MARK1: variants seen among roughly 807,000 people sequenced by gnomAD.
MARK1 encodes serine/threonine-protein kinase MARK1.
A neutral mutation model predicts 96.3 loss-of-function variants in MARK1; 40 were observed. The ratio of observed to expected loss-of-function variants is 0.42; its 90% confidence interval spans 0.32 to 0.54. The LOEUF (loss-of-function observed/expected upper bound fraction) is 0.54. Ranked by LOEUF, MARK1 falls within the 20% of genes least tolerant of loss-of-function variation. The pLI is 0.16. For synonymous variants in MARK1, 317 were observed against 341.2 expected (o/e 0.93, Z 0.78); for missense variants, 719 against 984.6 (o/e 0.73, Z 3.61).
At chr1:220,554,812 C>T (rs576541569) in intron 1 of MARK1, among the ~76,000 whole-genome samples, 1 of 152,256 alleles carries the variant, frequency 6.6e-6, no homozygotes, top group African/African-American at 2.4e-5. Flanking sequence ...TCTGCATAGG[C>T]CAAATAGGTG....
intron 1 of MARK1, among the ~76,000 whole-genome samples, chr1:220,574,932 C>CAGA (rs1375530623): frequency 3.9e-5 from 6 of 152,160 alleles, no homozygotes; most frequent in Admixed American, 3.3e-4. Flanking sequence ...ACCTTCAGGT[C>CAGA]TAATATGTTA....
rs1007143302 is a variant in MARK1, at chr1:220,528,543, C to A, written c.-280C>A. 7 of 450,364 alleles carry A rather than the reference C, an allele frequency of 1.6e-5. No individual in the cohort carries two copies. The Admixed American group carries it at 3.2e-4, about 21-fold the overall frequency. The allele number at this position is 450,364 out of a possible 1,614,324, so 27.9% of individuals were successfully genotyped here. ...CCACGCCTCATCCTGCCAGCCTCGC[C>A]GCCCCGCCAGCGCCGGGCAACCGCC... On this transcript the variant is annotated 5_prime_UTR_variant, in exon 1 of 18. Coordinates refer to ENST00000366917, the MANE Select transcript of MARK1 (RefSeq NM_018650.5).
At chr1:220,537,700 C>G (rs924584111) in intron 1 of MARK1, among the ~76,000 whole-genome samples, 9 of 147,628 alleles carry the variant, frequency 6.1e-5, no homozygotes, top group Non-Finnish European at 1.2e-4. Flanking sequence ...TACAGTCCCA[C>G]CAACAGTGTA....
rs753507276 is a variant in MARK1 at position 220,599,780 on chromosome 1, T to G, written c.359-18T>G. 1 of 1,409,910 alleles carries G rather than the reference T, an allele frequency of 7.1e-7. No homozygotes were observed. 87.3% of individuals were successfully genotyped at this position (1,409,910 alleles called of 1,614,324 possible). ...CTGTGCTAACAGTTATAGAGTTATA[T>G]CTCTAATTTTTTTTCAGTAAAATTG... On this transcript the variant is annotated intron_variant, in intron 4 of 17. Coordinates refer to ENST00000366917, the MANE Select transcript of MARK1 (RefSeq NM_018650.5).
chr1:220,650,601 C>CT lies in MARK1; in HGVS notation c.1471-11dup, dbSNP rs770834531. 65 of 1,502,200 alleles carry CT rather than the reference C, an allele frequency of 4.3e-5. No individual in the cohort carries two copies. Among genetic ancestry groups the CT allele is most frequent in the Admixed American group, 7.1e-5 (4 of 56,324 alleles). The allele number at this position is 1,502,200 out of a possible 1,614,324, so 93.1% of individuals were successfully genotyped here. A position where few individuals can be genotyped will look rare whatever the true frequency, so the allele number is the denominator to read the frequency against. On this transcript the variant is annotated intron_variant, in intron 13 of 17. Coordinates refer to ENST00000366917, the MANE Select transcript of MARK1 (RefSeq NM_018650.5). ...AATATATTTATAATTTTTTAATTGC[C>CT]TTTTTTTTATTCTTGAAGAACAATG...
chr1:220,635,670 C>A, intron 12 of MARK1, 141 bp downstream of exon 12: 2 of 1,167,642 alleles, frequency 1.7e-6, no homozygotes, highest in East Asian at 2.6e-5. Context: ...TAAATATAAT[C>A]CCTTTTGCAG....
chr1:220,610,330 C>T (rs772051706), intron 6 of MARK1, among the ~76,000 whole-genome samples: 46 of 152,180 alleles, frequency 3.0e-4, no homozygotes, highest in Non-Finnish European at 6.0e-4. Flanking sequence ...CTTTCTTCCA[C>T]TTGATCGAAT....
intron 1 of MARK1, among the ~76,000 whole-genome samples, chr1:220,565,794 G>A (rs1306073219): frequency 6.6e-6 from 1 of 152,112 alleles, no homozygotes; most frequent in Non-Finnish European, 1.5e-5. Flanking sequence ...TATTGGTAAG[G>A]CTGGACAGTC....
intron 3 of MARK1, among the ~76,000 whole-genome samples, chr1:220,590,582 T>C (rs1558281829): frequency 6.6e-6 from 1 of 152,144 alleles, no homozygotes; most frequent in African/African-American, 2.4e-5. Context: ...ATTCAACATA[T>C]GAATTTAGGG....
intron 6 of MARK1, among the ~76,000 whole-genome samples, chr1:220,615,182 C>G (rs892407000): frequency 2.0e-5 from 3 of 152,078 alleles, no homozygotes; most frequent in Non-Finnish European, 4.4e-5. Context: ...TGTTTATAAT[C>G]TATTTCTCTC....
At chr1:220,591,891 C>T (rs888720994) in intron 3 of MARK1, among the ~76,000 whole-genome samples, 4 of 152,046 alleles carry the variant, frequency 2.6e-5, no homozygotes, top group East Asian at 3.9e-4. Context: ...GAATGACACT[C>T]GGGCAGCAAT....
rs984330889 is a variant in MARK1, at chr1:220,654,316, A to G, written c.1988+964A>G. Among the ~76,000 whole-genome samples the G allele has an allele frequency of 1.1e-4, 16 of 152,178 alleles. No homozygotes were observed. Among genetic ancestry groups the G allele is most frequent in the African/African-American group, 3.9e-4 (16 of 41,452 alleles). On this transcript the variant is annotated intron_variant, in intron 16 of 17. Coordinates refer to ENST00000366917, the MANE Select transcript of MARK1 (RefSeq NM_018650.5). This position sits in a 1 kb window ranked among gnomAD's most constrained non-coding sequence, Gnocchi z 4.0. The stretch of plus-strand genomic sequence containing the variant: ...AATTATACTTGCTTTAAGAAATACT[A>G]ATTAAATACTTAGTTTCCAATGTTA...
intron 6 of MARK1, among the ~76,000 whole-genome samples, chr1:220,614,038 C>T (rs939106638): frequency 1.3e-5 from 2 of 152,078 alleles, no homozygotes; most frequent in Non-Finnish European, 2.9e-5. Context: ...GACAGAGTCT[C>T]ACTCTGTTAT....
intron 1 of MARK1, among the ~76,000 whole-genome samples, chr1:220,543,653 G>A (rs781468471): frequency 1.3e-4 from 20 of 152,114 alleles, no homozygotes; most frequent in African/African-American, 2.2e-4. Context: ...CATTATTTCT[G>A]TATATCCTTT....
rs927623780 is a variant in MARK1, at chr1:220,528,583, C to T, written c.-240C>T. On this transcript the variant is annotated 5_prime_UTR_variant, in exon 1 of 18. Coordinates refer to ENST00000366917, the MANE Select transcript of MARK1 (RefSeq NM_018650.5). ...GGGCAACCGCCTCGCCCGAAGCCCT[C>T]CCTCGTTACTGTCCGCATACCCCGG... The T allele has an allele frequency of 1.0e-5, 5 of 476,260 alleles. No homozygotes were observed. The highest frequency in any genetic ancestry group is 6.2e-5 in the African/African-American group (3 of 48,378). 29.5% of individuals were successfully genotyped at this position (476,260 alleles called of 1,614,324 possible). A position where few individuals can be genotyped will look rare whatever the true frequency, so the allele number is the denominator to read the frequency against.
Position 220,635,404 on chromosome 1 carries a change from GA to G in MARK1, c.1154del (p.Asn385ThrfsTer12). 1 of 1,610,396 alleles carries G rather than the reference GA, an allele frequency of 6.2e-7. No homozygotes were observed. On this transcript the variant is annotated frameshift_variant, in exon 12 of 18. Coordinates refer to ENST00000366917, the MANE Select transcript of MARK1 (RefSeq NM_018650.5). LOFTEE classifies it high-confidence loss of function. ...EFEGGESLSS[G>X]NLCQRSRPSS... Reference sequence around the variant, plus strand: ...GAAGGTGGTGAATCGTTATCCAGTGGAAACTTGTGTCAGAGGTCCCGGCCCA... The same window carrying G: ...GAAGGTGGTGAATCGTTATCCAGTGGAACTTGTGTCAGAGGTCCCGGCCCA...
intron 13 of MARK1, among the ~76,000 whole-genome samples, chr1:220,640,019 A>C (rs1668182596): frequency 2.0e-5 from 3 of 152,200 alleles, no homozygotes; most frequent in Non-Finnish European, 4.4e-5. Flanking sequence ...CTCTTTACAG[A>C]AAAAGTTTGC....
rs60828704 is a variant in MARK1 at position 220,638,528 on chromosome 1, A to G, written c.1470+2502A>G. ...TTCCCATGTAAACCTTATCTCCCCA[A>G]ATTTATAATCTGTTGTATATTGACA... On this transcript the variant is annotated intron_variant, in intron 13 of 17. Transcript: ENST00000366917. Among the ~76,000 whole-genome samples the G allele has an allele frequency of 2.4e-3, 372 of 152,178 alleles. 3 individuals are homozygous for G. The highest frequency in any genetic ancestry group is 8.7e-3 in the African/African-American group (360 of 41,518).
At chr1:220,627,321 C>G (rs1667403056) in intron 9 of MARK1, 2 of 502,720 alleles carry the variant, frequency 4.0e-6, no homozygotes, top group Non-Finnish European at 8.1e-6. Context: ...TCAAAAAAGC[C>G]AAGAGAGTCA....
Sources: allele counts gnomAD v4.1 joint callset (sites outside exome capture counted in the v4.1 genomes callset), GRCh38; gene constraint gnomAD v4.1.1; non-coding constraint Gnocchi (gnomAD v3.1); transcripts MANE v1.5; gene names NCBI Gene and HGNC (gene_info 2026-07-23, HGNC 2026-07-21).